FBXL17: variants seen among roughly 807,000 people sequenced by gnomAD.
FBXL17 encodes F-box/LRR-repeat protein 17.
In FBXL17, 22 loss-of-function variants were observed where a neutral mutation model predicts 66.2. The ratio of observed to expected loss-of-function variants is 0.33; its 90% CI spans 0.24 to 0.47. FBXL17 has a LOEUF of 0.47. FBXL17 is among the 20% of genes least tolerant of loss of function. The pLI is 1.00. For missense variants in FBXL17, 878 were observed against 948.2 expected, an observed-to-expected ratio of 0.93 and a Z score of 0.97; for synonymous variants, 474 against 400.5, an observed-to-expected ratio of 1.18 and a Z score of -2.19.
rs757038980 is a variant in FBXL17 at position 107,888,497 on chromosome 5, C to T, written c.1823-7318G>A. On this transcript the variant is annotated intron_variant, in intron 7 of 8. Transcript: ENST00000542267. ...AAACAGAGCAAGCCCAGCACGCCTG[C>T]GGTCTTTCATCCCCACTTCAGTCAC... 7.2e-5 allele frequency among the ~76,000 whole-genome samples: 11 copies of T among 152,272 alleles called. No individual in the cohort carries two copies. In the East Asian group the frequency reaches 7.7e-4, roughly 11 times the overall value.
At chr5:108,316,511 A>G (rs1412269340) in intron 4 of FBXL17, among the ~76,000 whole-genome samples, 2 of 151,424 alleles carry the variant, frequency 1.3e-5, no homozygotes, top group Non-Finnish European at 3.0e-5. Context: ...ACTCAAAAGT[A>G]TATCATATAA....
chr5:107,909,673 A>G (rs1360807964), intron 7 of FBXL17, among the ~76,000 whole-genome samples: 1 of 152,166 alleles, frequency 6.6e-6, no homozygotes, highest in Non-Finnish European at 1.5e-5. Flanking sequence ...ACATAATGGC[A>G]GCATCTTCTT....
chr5:108,307,585 G>C (rs1188964288), intron 4 of FBXL17, among the ~76,000 whole-genome samples: 1 of 152,062 alleles, frequency 6.6e-6, no homozygotes, highest in Non-Finnish European at 1.5e-5. Context: ...TGGGATTATA[G>C]GTGTGAGACA....
At chr5:108,229,639 T>C (rs1755242129) in intron 4 of FBXL17, among the ~76,000 whole-genome samples, 2 of 152,102 alleles carry the variant, frequency 1.3e-5, no homozygotes, top group African/African-American at 2.4e-5. Context: ...GGAAAAACCC[T>C]TGTAGACACT....
intron 2 of FBXL17, among the ~76,000 whole-genome samples, chr5:108,366,016 A>G (rs2112576060): frequency 6.6e-6 from 1 of 152,290 alleles, no homozygotes; most frequent in East Asian, 1.9e-4. Context: ...ATACATCAGT[A>G]ATAATGTTAT....
At chr5:108,166,446 C>T (rs1013094266) in intron 6 of FBXL17, among the ~76,000 whole-genome samples, 2 of 152,086 alleles carry the variant, frequency 1.3e-5, no homozygotes, top group Non-Finnish European at 2.9e-5. Context: ...TTCTAAGCTC[C>T]AAAGTTAAGA....
chr5:108,289,320 G>C (rs1361483353), intron 4 of FBXL17, among the ~76,000 whole-genome samples: 2 of 152,066 alleles, frequency 1.3e-5, no homozygotes, highest in African/African-American at 4.8e-5. Context: ...AAAATGTTAA[G>C]ACGTTCCTTG....
chr5:108,318,958 C>A (rs936102321), intron 4 of FBXL17, among the ~76,000 whole-genome samples: 14 of 151,790 alleles, frequency 9.2e-5, no homozygotes, highest in Non-Finnish European at 1.8e-4. Flanking sequence ...CATAACACAT[C>A]CCAAATCAAG....
intron 7 of FBXL17, among the ~76,000 whole-genome samples, chr5:107,964,262 C>T (rs1304224973): frequency 1.3e-5 from 2 of 152,008 alleles, no homozygotes; most frequent in South Asian, 2.1e-4. Flanking sequence ...GGTGAGCTGG[C>T]AGAATTGCTG....
chr5:107,920,756 AG>A (rs1750288333), intron 7 of FBXL17, among the ~76,000 whole-genome samples: 1 of 152,190 alleles, frequency 6.6e-6, no homozygotes, highest in Non-Finnish European at 1.5e-5. Flanking sequence ...ATCCTTCTCC[AG>A]GAAGTACCTA....
chr5:108,180,952 A>G (rs983566646), intron 6 of FBXL17, among the ~76,000 whole-genome samples: 1 of 152,164 alleles, frequency 6.6e-6, no homozygotes, highest in African/African-American at 2.4e-5. Context: ...GACCAATATT[A>G]AAAATTGAAA....
intron 4 of FBXL17, among the ~76,000 whole-genome samples, chr5:108,280,343 T>C (rs1025499566): frequency 5.9e-5 from 9 of 152,070 alleles, no homozygotes; most frequent in South Asian, 2.1e-4. Context: ...AAGAAAAACA[T>C]TGCCAGCAAG....
intron 4 of FBXL17, among the ~76,000 whole-genome samples, chr5:108,330,804 G>C (rs1259476135): frequency 6.6e-6 from 1 of 151,940 alleles, no homozygotes; most frequent in African/African-American, 2.4e-5. Flanking sequence ...GCCCACATGA[G>C]CTTTCCACTT....
intron 5 of FBXL17, among the ~76,000 whole-genome samples, chr5:108,216,906 C>A (rs1255357131): frequency 2.6e-5 from 4 of 152,176 alleles, no homozygotes; most frequent in Non-Finnish European, 4.4e-5. Flanking sequence ...GATAAGGGAA[C>A]AAGGCCAGGC....
At chr5:108,216,053 G>A (rs1035508183) in intron 5 of FBXL17, among the ~76,000 whole-genome samples, 3 of 152,104 alleles carry the variant, frequency 2.0e-5, no homozygotes, top group Admixed American at 6.6e-5. Context: ...ATTGACTTAC[G>A]TGTCTATCCT....
intron 6 of FBXL17, among the ~76,000 whole-genome samples, chr5:108,139,782 C>G (rs1751282229): frequency 6.6e-6 from 1 of 152,170 alleles, no homozygotes; most frequent in Non-Finnish European, 1.5e-5. Flanking sequence ...TAGAAGGCAT[C>G]TACTCCCCGC....
At chr5:108,023,682 T>G (rs1290254206) in intron 6 of FBXL17, among the ~76,000 whole-genome samples, 1 of 152,178 alleles carries the variant, frequency 6.6e-6, no homozygotes, top group African/African-American at 2.4e-5. Flanking sequence ...ATAATTCCAC[T>G]GTTTCACAAA....
At chr5:108,042,882 A>T (rs1747105864) in intron 6 of FBXL17, among the ~76,000 whole-genome samples, 1 of 152,178 alleles carries the variant, frequency 6.6e-6, no homozygotes, top group Non-Finnish European at 1.5e-5. Flanking sequence ...GTTTCTTAAC[A>T]TCCTCAACAG....
At chr5:108,170,312 C>T (rs1282912929) in intron 6 of FBXL17, among the ~76,000 whole-genome samples, 1 of 152,002 alleles carries the variant, frequency 6.6e-6, no homozygotes, top group Non-Finnish European at 1.5e-5. Flanking sequence ...AAATCTGAGG[C>T]AGGTCTGATT....
Sources: allele counts gnomAD v4.1 joint callset (sites outside exome capture counted in the v4.1 genomes callset), GRCh38; gene constraint gnomAD v4.1.1; transcripts MANE v1.5; gene names NCBI Gene and HGNC (gene_info 2026-07-23, HGNC 2026-07-21).